Variants in SUSD5 observed in about 807,000 individuals in gnomAD.
SUSD5 encodes the protein sushi domain-containing protein 5.
In SUSD5, 33 loss-of-function variants were observed where a neutral mutation model predicts 29.5. The ratio of observed to expected loss-of-function variants is 1.12; its 90% CI spans 0.85 to 1.49. The LOEUF is 1.49. SUSD5 is among the 40% of genes most tolerant of loss of function. SUSD5 has a pLI of 0.00. For synonymous variants in SUSD5, 308 were observed against 325.3 expected (o/e 0.95, Z 0.57); for missense variants, 776 against 800.6 (o/e 0.97, Z 0.37).
chr3:33,202,572 G>A (rs2032140611), intron 3 of SUSD5, among the ~76,000 whole-genome samples: 1 of 152,162 alleles, frequency 6.6e-6, no homozygotes, highest in Non-Finnish European at 1.5e-5. Context: ...AGAAACAGAA[G>A]CACACACTGA....
In SUSD5 at chr3:33,152,684, G is replaced by A; in HGVS notation, c.*58C>T. 1 of 1,501,412 alleles carries A rather than the reference G, an allele frequency of 6.7e-7. No homozygotes were observed. The highest frequency in any genetic ancestry group is 9.0e-7 in the Non-Finnish European group (1 of 1,112,732). The allele number at this position is 1,501,412 out of a possible 1,614,324, so 93.0% of individuals were successfully genotyped here. ...GTCATGCTCTAGTGAATTATCGTGT[G>A]ATGTGTCACAGTTATTTTCCTCCCA... is the stretch of plus-strand genomic sequence containing the variant. On this transcript the variant is annotated 3_prime_UTR_variant, in exon 5 of 5. Transcript: ENST00000309558.
Position 33,153,675 on chromosome 3 carries a change from A to G in SUSD5, c.957T>C (p.Ser319=). 6.2e-7 allele frequency: 1 copy of G among 1,614,072 alleles called. No individual in the cohort carries two copies. The highest frequency in any genetic ancestry group is 8.5e-7 in the Non-Finnish European group (1 of 1,179,910). Residue 319 remains serine, a synonymous_variant, in exon 5 of 5, where the codon TCT becomes TCC. Transcript: ENST00000309558. The part of the protein sequence containing the change: ...EVDDDTKKQF[S]AGDNHSGVKL... ...TTACACCACTGTGGTTGTCTCCAGCAGAAAACTGCTTTTTGGTGTCATCAT... is the reference window on the plus strand; with the variant it reads ...TTACACCACTGTGGTTGTCTCCAGCGGAAAACTGCTTTTTGGTGTCATCAT...
chr3:33,183,930 C>CTTTTT lies in SUSD5; in HGVS notation c.410-8861_410-8857dup, dbSNP rs68055129. On this transcript the variant is annotated intron_variant, in intron 3 of 4. Transcript: ENST00000309558. Reference sequence around the variant, plus strand: ...AACACTTTAAATATTTTATTACCCTCTTTTTTTTTTTTTTTTTTTTTTTTT... The same window carrying CTTTTT: ...AACACTTTAAATATTTTATTACCCTCTTTTTTTTTTTTTTTTTTTTTTTTTTTTTT... Among the ~76,000 whole-genome samples, 154 of 62,592 alleles carry CTTTTT rather than the reference C, an allele frequency of 2.5e-3. 12 individuals are homozygous for CTTTTT. The highest frequency in any genetic ancestry group is 8.0e-3 in the African/African-American group (106 of 13,308). The allele number at this position is 62,592 out of a possible 152,430, so 41.1% of individuals were successfully genotyped here. A position where few individuals can be genotyped will look rare whatever the true frequency, so the allele number is the denominator to read the frequency against.
intron 4 of SUSD5, among the ~76,000 whole-genome samples, chr3:33,158,357 AACAC>A (rs750349033): frequency 6.6e-6 from 1 of 152,202 alleles, no homozygotes; most frequent in Non-Finnish European, 1.5e-5. Flanking sequence ...ACGTGCACAC[AACAC>A]ACACCCTCAC....
chr3:33,170,984 G>C (rs541593045), intron 4 of SUSD5, among the ~76,000 whole-genome samples: 1 of 152,326 alleles, frequency 6.6e-6, no homozygotes, highest in African/African-American at 2.4e-5. Context: ...TATTCTAAAT[G>C]ATATATTCGC....
At chr3:33,170,657 G>A (rs535626628) in intron 4 of SUSD5, among the ~76,000 whole-genome samples, 32 of 152,314 alleles carry the variant, frequency 2.1e-4, no homozygotes, top group East Asian at 7.7e-4. Flanking sequence ...TACCAGCTGC[G>A]TGGGTCTCTA....
chr3:33,174,452 G>C (rs1213798240), intron 4 of SUSD5, among the ~76,000 whole-genome samples: 2 of 152,092 alleles, frequency 1.3e-5, no homozygotes, highest in Admixed American at 1.3e-4. Flanking sequence ...ACCACCCTCA[G>C]GGCAGCCCAG....
At chr3:33,154,179 G>A (rs1319395273) in intron 4 of SUSD5, 146 bp from the exon 5 acceptor site, 1 of 693,488 alleles carries the variant, frequency 1.4e-6, no homozygotes, top group Non-Finnish European at 2.3e-6. Context: ...GTGTATCATA[G>A]ATAAACCCAA....
At chr3:33,174,251 CG>C (rs909497511) in intron 4 of SUSD5, among the ~76,000 whole-genome samples, 3 of 152,098 alleles carry the variant, frequency 2.0e-5, no homozygotes, top group African/African-American at 7.2e-5. Context: ...TCCTGGAGTT[CG>C]TCTCCTCGCT....
chr3:33,186,341 A>T (rs114578243), intron 3 of SUSD5, among the ~76,000 whole-genome samples: 5,091 of 152,102 alleles, frequency 0.033, 123 homozygotes, highest in Non-Finnish European at 0.054. Context: ...AAATGATGAA[A>T]ATAGAAAATA....
chr3:33,200,246 T>A (rs1030403433), intron 3 of SUSD5, among the ~76,000 whole-genome samples: 2 of 152,184 alleles, frequency 1.3e-5, no homozygotes, highest in Admixed American at 1.3e-4. Context: ...AACCTGCCAG[T>A]GCCTTATCTT....
chr3:33,181,944 G>A (rs1240401291), intron 3 of SUSD5, among the ~76,000 whole-genome samples: 1 of 152,206 alleles, frequency 6.6e-6, no homozygotes, highest in Non-Finnish European at 1.5e-5. Context: ...CCTGCTGTTA[G>A]TCAATGAATA....
intron 1 of SUSD5, among the ~76,000 whole-genome samples, chr3:33,215,764 C>T (rs2032418969): frequency 6.6e-6 from 1 of 152,156 alleles, no homozygotes. Flanking sequence ...TCTAAATAAA[C>T]TGTGTTCAAA....
intron 3 of SUSD5, among the ~76,000 whole-genome samples, chr3:33,206,951 G>A (rs1015214682): frequency 2.0e-5 from 3 of 151,926 alleles, no homozygotes; most frequent in African/African-American, 7.3e-5. Context: ...CAGCCAAGAA[G>A]AACCTGTGCT....
intron 4 of SUSD5, 100 bp from the exon 5 acceptor site, chr3:33,154,133 T>C: frequency 1.1e-6 from 1 of 935,266 alleles, no homozygotes; most frequent in Non-Finnish European, 1.5e-6. Flanking sequence ...TGGGACAGAA[T>C]AAATAATACT....
In SUSD5 at chr3:33,214,045, C is replaced by G; in HGVS notation, c.173G>C (p.Arg58Pro). The G allele has an allele frequency of 6.2e-7, 1 of 1,613,586 alleles. No individual in the cohort carries two copies. Among genetic ancestry groups the G allele is most frequent in the Non-Finnish European group, 8.5e-7 (1 of 1,179,728 alleles). The stretch of plus-strand genomic sequence containing the variant: ...AGCGCCCCTGCTCTTGCAGGAAAGC[C>G]GAGCAGCCTCCAGTTGTAGGCCCTG... ...GSQGLQLEAA[R>P]LSCKSRGAHL... The change falls in exon 2 of 5, where the codon CGG becomes CCG. Residue 58 changes from arginine to proline, a missense_variant. By Grantham distance (103) the Arg-to-Pro change is moderately radical. Transcript: ENST00000309558.
chr3:33,169,362 A>C (rs912215288), intron 4 of SUSD5, among the ~76,000 whole-genome samples: 1 of 152,108 alleles, frequency 6.6e-6, no homozygotes, highest in Non-Finnish European at 1.5e-5. Context: ...CTGGGATTAC[A>C]GGCGCCCGCC....
intron 3 of SUSD5, 121 bp from the exon 4 acceptor site, chr3:33,175,195 AG>A (rs1270969464): frequency 1.0e-5 from 11 of 1,087,354 alleles, no homozygotes. Flanking sequence ...CTGTGATCAC[AG>A]GGGCTGTTTC....
In SUSD5 at chr3:33,206,412, AGTGTGTGTGTGT is replaced by A. The variant is rs5847777; in HGVS notation, c.409+1384_409+1395del. On this transcript the variant is annotated intron_variant, in intron 3 of 4. Transcript: ENST00000309558. ...TAAATAAAAATAAAAAATTTACTTG[AGTGTGTGTGTGT>A]GTGTGTGTGTGTGTGTGTGTGTGTG... 2.2e-3 allele frequency among the ~76,000 whole-genome samples: 321 copies of A among 148,610 alleles called. 1 individual carries two copies. The highest frequency in any genetic ancestry group is 3.6e-3 in the African/African-American group (147 of 40,314).
Sources: gnomAD v4.1 joint callset for allele counts (sites outside exome capture counted in the v4.1 genomes callset) on GRCh38, gnomAD v4.1.1 for gene constraint, MANE v1.5 for transcripts, NCBI Gene and HGNC (gene_info 2026-07-23, HGNC 2026-07-21) for gene names.